The following CCDC82 variants were observed in gnomAD, a reference collection of about 807,000 sequenced individuals.
The protein encoded by CCDC82 is coiled-coil domain-containing protein 82.
In CCDC82, 47 loss-of-function variants were observed where a neutral mutation model predicts 60.6. That is an observed-to-expected ratio of 0.77 (90% CI 0.61 to 0.99). The LOEUF (loss-of-function observed/expected upper bound fraction) is 0.99. Among genes scored for constraint, CCDC82 ranks in the 50% least tolerant of loss-of-function variants. CCDC82 has a pLI of 0.00. For synonymous variants in CCDC82, 212 were observed against 207.4 expected (o/e 1.02, Z -0.19); for missense variants, 588 against 633.0 (o/e 0.93, Z 0.76).
At position 96,384,051 on chromosome 11, in the gene CCDC82, CTAA is replaced by C. The variant is rs1377081502; in HGVS notation, c.694_696del (p.Leu232del). 3.1e-6 allele frequency: 5 copies of C among 1,613,612 alleles called. No individual in the cohort carries two copies. Among genetic ancestry groups the C allele is most frequent in the Admixed American group, 1.7e-5 (1 of 59,956 alleles). ...TGAAGTTTTTCTCGCTTTTGTGCAGCTAATGTTTTTTCAGGAGTCTTTTGCTCC... is the reference window on the plus strand; with the variant it reads ...TGAAGTTTTTCTCGCTTTTGTGCAGCTGTTTTTTCAGGAGTCTTTTGCTCC... On this transcript the variant is annotated inframe_deletion, in exon 4 of 10. Transcript: ENST00000646818.
intron 8 of CCDC82, among the ~76,000 whole-genome samples, chr11:96,362,703 T>C (rs1864728546): frequency 6.6e-6 from 1 of 152,182 alleles, no homozygotes; most frequent in Non-Finnish European, 1.5e-5. Context: ...AATACTGCTG[T>C]AACCAAAATT....
At chr11:96,371,902 T>C (rs771748095) in intron 6 of CCDC82, among the ~76,000 whole-genome samples, 1 of 152,232 alleles carries the variant, frequency 6.6e-6, no homozygotes, top group Non-Finnish European at 1.5e-5. Flanking sequence ...ATTCTCTATA[T>C]ACATCTGTCA....
chr11:96,368,595 A>T (rs1462039561), intron 7 of CCDC82, among the ~76,000 whole-genome samples: 3 of 152,144 alleles, frequency 2.0e-5, no homozygotes, highest in African/African-American at 7.2e-5. Context: ...GGCTGGGTGC[A>T]GTGGCTCACG....
chr11:96,367,458 C>T (rs899778552), intron 7 of CCDC82, among the ~76,000 whole-genome samples: 117 of 152,168 alleles, frequency 7.7e-4, no homozygotes, highest in African/African-American at 2.6e-3. Context: ...CAAGAAACCA[C>T]GTTCTTTGCT....
intron 7 of CCDC82, among the ~76,000 whole-genome samples, chr11:96,367,162 G>A (rs1215868783): frequency 6.6e-6 from 1 of 152,152 alleles, no homozygotes; most frequent in Non-Finnish European, 1.5e-5. Context: ...GGGTAGCTGT[G>A]GCAATTTCTT....
intron 9 of CCDC82, chr11:96,353,930 G>T: frequency 5.4e-6 from 2 of 370,732 alleles, no homozygotes; most frequent in South Asian, 6.5e-5. Context: ...AGTGATCAAA[G>T]TGAATATTAT....
At chr11:96,378,854 T>C (rs1014984608) in intron 5 of CCDC82, among the ~76,000 whole-genome samples, 1 of 151,886 alleles carries the variant, frequency 6.6e-6, no homozygotes, top group African/African-American at 2.4e-5. Flanking sequence ...GAGACACTAA[T>C]AGGGATTGAT....
In CCDC82 at chr11:96,353,725, A is replaced by G; in HGVS notation, c.1567-11T>C. On this transcript the variant is annotated splice_polypyrimidine_tract_variant and intron_variant, in intron 9 of 9. Transcript: ENST00000646818. ...AAGTTGACCATATTTCTGCATATAC[A>G]ATAGAAAAGCTAGTTATTTTACTCA... 6.3e-7 allele frequency: 1 copy of G among 1,596,644 alleles called. No individual in the cohort carries two copies. Among genetic ancestry groups the G allele is most frequent in the East Asian group, 2.2e-5 (1 of 44,596 alleles).
chr11:96,365,628 C>G (rs893283861), intron 7 of CCDC82, among the ~76,000 whole-genome samples: 1 of 152,194 alleles, frequency 6.6e-6, no homozygotes, highest in Non-Finnish European at 1.5e-5. Flanking sequence ...TGATAACTTA[C>G]TACAGTCCTG....
At chr11:96,363,645 A>G (rs1428462061) in intron 8 of CCDC82, 2 of 152,208 alleles carry the variant, frequency 1.3e-5, no homozygotes, top group African/African-American at 4.8e-5. Flanking sequence ...GAGTATGTAT[A>G]TAGCTTTGTG....
intron 5 of CCDC82, among the ~76,000 whole-genome samples, chr11:96,379,033 C>G (rs1403751845): frequency 6.6e-6 from 1 of 151,960 alleles, no homozygotes; most frequent in East Asian, 1.9e-4. Context: ...AACTGAAATA[C>G]TGAATTTAGA....
At chr11:96,358,580 G>C in intron 9 of CCDC82, 1 of 1,235,250 alleles carries the variant, frequency 8.1e-7, no homozygotes. Flanking sequence ...CCTCAGACTG[G>C]CACCAGGTGC....
At chr11:96,353,847 C>T (rs1864211177) in intron 9 of CCDC82, 133 bp from the exon 10 acceptor site, 1 of 594,418 alleles carries the variant, frequency 1.7e-6, no homozygotes, top group Non-Finnish European at 3.0e-6. Flanking sequence ...TTATGATAAA[C>T]AGGAACTTAA....
intron 7 of CCDC82, among the ~76,000 whole-genome samples, chr11:96,370,639 T>C (rs986078453): frequency 2.0e-5 from 3 of 152,204 alleles, no homozygotes; most frequent in African/African-American, 7.2e-5. Flanking sequence ...TAAATTCACA[T>C]ATAATGCTTG....
chr11:96,364,864 G>A, intron 8 of CCDC82, 116 bp downstream of exon 8: 2 of 880,130 alleles, frequency 2.3e-6, no homozygotes, highest in Non-Finnish European at 3.4e-6. Context: ...CCAATTTGGT[G>A]GATTATATGC....
intron 1 of CCDC82, chr11:96,388,961 G>C (rs951480543): frequency 6.6e-6 from 1 of 152,164 alleles, no homozygotes; most frequent in African/African-American, 2.4e-5. Flanking sequence ...TGCTCCCAAG[G>C]AGCTCACAAT....
chr11:96,353,559 T>C lies in CCDC82; in HGVS notation c.*87A>G, dbSNP rs1177915755. ...TTGCCATGAAGATATAGATAAAATG[T>C]ACAAACATGTCACATGATACAGAAA... On this transcript the variant is annotated 3_prime_UTR_variant, in exon 10 of 10. Transcript: ENST00000646818. The C allele has an allele frequency of 9.7e-7, 1 of 1,031,020 alleles. No homozygotes were observed. The highest frequency in any genetic ancestry group is 1.6e-5 in the African/African-American group (1 of 62,646). The allele number at this position is 1,031,020 out of a possible 1,614,324, so 63.9% of individuals were successfully genotyped here. A position where few individuals can be genotyped will look rare whatever the true frequency, so the allele number is the denominator to read the frequency against.
chr11:96,374,173 A>T (rs1479406529), intron 5 of CCDC82, among the ~76,000 whole-genome samples: 5 of 152,198 alleles, frequency 3.3e-5, no homozygotes, highest in African/African-American at 1.2e-4. Context: ...CCATTCCTTG[A>T]TCCAACAGTC....
At chr11:96,382,148 T>C (rs1865906067) in intron 5 of CCDC82, 1 of 151,836 alleles carries the variant, frequency 6.6e-6, no homozygotes, top group Non-Finnish European at 1.5e-5. Context: ...GAAAAACACC[T>C]GTGCAACTGT....
Sources: gnomAD v4.1 joint callset for allele counts (sites outside exome capture counted in the v4.1 genomes callset) on GRCh38, gnomAD v4.1.1 for gene constraint, MANE v1.5 for transcripts, NCBI Gene and HGNC (gene_info 2026-07-23, HGNC 2026-07-21) for gene names.